Variants in NHSL1 observed in about 807,000 individuals in gnomAD.
NHSL1 encodes NHS-like protein 1.
Under a neutral mutation model 95.0 loss-of-function variants are expected in NHSL1, and 48 were observed. The ratio of observed to expected loss-of-function variants is 0.51; its 90% confidence interval spans 0.40 to 0.64. NHSL1 has a LOEUF of 0.64. Ranked by LOEUF, NHSL1 falls within the 30% of genes least tolerant of loss-of-function variation. NHSL1 has a pLI of 0.00. For synonymous variants in NHSL1, 783 were observed against 833.9 expected (o/e 0.94, Z 1.05); for missense variants, 1,971 against 2,077.7 (o/e 0.95, Z 1.00).
chr6:138,648,154 G>A (rs370217942), intron 1 of NHSL1, among the ~76,000 whole-genome samples: 1 of 151,900 alleles, frequency 6.6e-6, no homozygotes, highest in East Asian at 1.9e-4. Flanking sequence ...TACTTTTCCA[G>A]ACCGTACACA....
chr6:138,634,838 A>G (rs1784867652), intron 1 of NHSL1, among the ~76,000 whole-genome samples: 2 of 152,054 alleles, frequency 1.3e-5, no homozygotes, highest in South Asian at 4.1e-4. Flanking sequence ...AAAAAGTAAT[A>G]TCAAACATCT....
chr6:138,692,922 AGGAC>A (rs1051069271), upstream of NHSL1, among the ~76,000 whole-genome samples: 5 of 150,134 alleles, frequency 3.3e-5, no homozygotes, highest in Admixed American at 6.6e-5. This position sits in a 1 kb window ranked among gnomAD's most constrained non-coding sequence, Gnocchi z 4.0. Context: ...GCGGGCAGGA[AGGAC>A]GGACGGACGG....
rs147813093 is a variant in NHSL1, at chr6:138,652,633, T to C, written c.96+39843A>G. The stretch of plus-strand genomic sequence containing the variant: ...TTGAAGTAAAACAAGCAAAAAAATA[T>C]ATAACCACTTAGGAAACACACACTG... On this transcript the variant is annotated intron_variant, in intron 1 of 3. Transcript: ENST00000491526. 7.2e-5 allele frequency among the ~76,000 whole-genome samples: 11 copies of C among 152,248 alleles called. No individual in the cohort carries two copies. The East Asian group carries it at 9.6e-4, about 13-fold the overall frequency.
intron 1 of NHSL1, among the ~76,000 whole-genome samples, chr6:138,667,644 C>G (rs959449333): frequency 3.9e-5 from 6 of 152,254 alleles, no homozygotes; most frequent in Non-Finnish European, 4.4e-5. Flanking sequence ...ATTTCATTCA[C>G]TCACCAAATT....
upstream of NHSL1, among the ~76,000 whole-genome samples, chr6:138,546,356 C>T (rs1388324772): frequency 7.2e-6 from 1 of 139,442 alleles, no homozygotes; most frequent in Non-Finnish European, 1.5e-5. Flanking sequence ...TTTGGGAGAC[C>T]AAGGTGGGAA....
At chr6:138,615,162 G>A (rs1330742018) in intron 1 of NHSL1, among the ~76,000 whole-genome samples, 1 of 152,156 alleles carries the variant, frequency 6.6e-6, no homozygotes, top group African/African-American at 2.4e-5. Context: ...CGTGAGCCAG[G>A]TCAGTGCCAT....
chr6:138,591,098 TGGAGCACTCA>T (rs1400776986), intron 1 of NHSL1, among the ~76,000 whole-genome samples: 3 of 152,094 alleles, frequency 2.0e-5, no homozygotes, highest in Non-Finnish European at 2.9e-5. Flanking sequence ...GGGGCAAGCA[TGGAGCACTCA>T]GGAGGCACTC....
intron 2 of NHSL1, among the ~76,000 whole-genome samples, chr6:138,485,684 T>A (rs1284290667): frequency 6.6e-6 from 1 of 152,192 alleles, no homozygotes; most frequent in Non-Finnish European, 1.5e-5. Flanking sequence ...CCTTTTTGTA[T>A]ATAATTCCCA....
intron 2 of NHSL1, among the ~76,000 whole-genome samples, chr6:138,489,825 G>GGA (rs1252989861): frequency 0.016 from 1,200 of 76,196 alleles, 42 homozygotes; most frequent in Non-Finnish European, 0.025. Flanking sequence ...AGGGAGAGAG[G>GGA]GAGAGAGAGA....
intron 1 of NHSL1, among the ~76,000 whole-genome samples, chr6:138,527,080 G>A (rs923453027): frequency 1.3e-5 from 2 of 152,110 alleles, no homozygotes; most frequent in African/African-American, 4.8e-5. Context: ...AAACAAGAAA[G>A]CAAACTGAGC....
chr6:138,691,694 C>T, intron 1 of NHSL1: 1 of 339,698 alleles, frequency 2.9e-6, no homozygotes, highest in South Asian at 2.4e-5. Context: ...TGCTTTGGGC[C>T]AGCAGGAAAT....
chr6:138,659,503 C>T (rs1785198513), intron 1 of NHSL1, among the ~76,000 whole-genome samples: 1 of 152,132 alleles, frequency 6.6e-6, no homozygotes, highest in African/African-American at 2.4e-5. Flanking sequence ...AAACGGTGGG[C>T]ACCTCCTGCC....
chr6:138,549,195 C>T (rs375858745), upstream of NHSL1, among the ~76,000 whole-genome samples: 1 of 152,118 alleles, frequency 6.6e-6, no homozygotes. Context: ...ACCAGCCTAA[C>T]CAACATGGAG....
At chr6:138,622,001 C>G (rs949295929) in intron 1 of NHSL1, among the ~76,000 whole-genome samples, 1 of 152,080 alleles carries the variant, frequency 6.6e-6, no homozygotes, top group Non-Finnish European at 1.5e-5. Context: ...GCAGGGATCC[C>G]ATGAAGATTA....
At chr6:138,441,408 G>A (rs1776514662) in intron 5 of NHSL1, among the ~76,000 whole-genome samples, 1 of 152,154 alleles carries the variant, frequency 6.6e-6, no homozygotes, top group African/African-American at 2.4e-5. Context: ...CTCTTCACCA[G>A]CCAAACACAG....
At position 138,424,006 on chromosome 6, in the gene NHSL1, G is replaced by A. The variant is rs1775075352; in HGVS notation, c.*75C>T. On this transcript the variant is annotated 3_prime_UTR_variant, in exon 8 of 8. Coordinates refer to ENST00000343505, the MANE Select transcript of NHSL1 (RefSeq NM_001144060.2). The surrounding 1 kb of genome is among the most constrained non-coding windows in gnomAD (Gnocchi z 5.9). The stretch of plus-strand genomic sequence containing the variant: ...GGCTCCCCGGGTGAGCCAGGGAAGG[G>A]CGCCTAGCAGGCTTCCTAGAGTGCT... The A allele has an allele frequency of 2.4e-6, 3 of 1,276,050 alleles. No individual in the cohort carries two copies. The highest frequency in any genetic ancestry group is 3.2e-5 in the South Asian group (1 of 31,144). 79.0% of individuals were successfully genotyped at this position (1,276,050 alleles called of 1,614,324 possible). A position where few individuals can be genotyped will look rare whatever the true frequency, so the allele number is the denominator to read the frequency against.
At chr6:138,650,155 C>T (rs771801792) in intron 1 of NHSL1, 15 of 550,696 alleles carry the variant, frequency 2.7e-5, no homozygotes, top group Admixed American at 4.4e-5. Context: ...TTGCAGGTAT[C>T]CCGAGATGGT....
chr6:138,626,229 G>A (rs146793278), intron 1 of NHSL1, among the ~76,000 whole-genome samples: 8 of 152,292 alleles, frequency 5.3e-5, no homozygotes, highest in Non-Finnish European at 1.0e-4. Context: ...ATCCAGTCCT[G>A]CCTGATCAGT....
chr6:138,569,343 T>C (rs1249008944), intron 1 of NHSL1, among the ~76,000 whole-genome samples: 1 of 151,842 alleles, frequency 6.6e-6, no homozygotes, highest in African/African-American at 2.4e-5. Flanking sequence ...GGGAGAGTTT[T>C]TGGCAATCTG....
Sources: allele counts gnomAD v4.1 joint callset (sites outside exome capture counted in the v4.1 genomes callset), GRCh38; gene constraint gnomAD v4.1.1; non-coding constraint Gnocchi (gnomAD v3.1); transcripts MANE v1.5; gene names NCBI Gene and HGNC (gene_info 2026-07-23, HGNC 2026-07-21).